NRCAM: variants seen among roughly 807,000 people sequenced by gnomAD.
The protein encoded by NRCAM is NgCAM-related cell adhesion molecule.
NRCAM carries 83 observed loss-of-function variants against 156.5 expected under a neutral mutation model. The observed-to-expected ratio is 0.53, with a 90% CI of 0.44 to 0.64. NRCAM has a LOEUF of 0.64. Ranked by LOEUF, NRCAM falls within the 30% of genes least tolerant of loss-of-function variation. NRCAM has a pLI of 0.00. For missense variants in NRCAM, 1,417 were observed against 1,597.3 expected (o/e 0.89, Z 1.92); for synonymous variants, 538 against 563.9 (o/e 0.95, Z 0.65).
chr7:108,254,502 T>C (rs756506346), intron 3 of NRCAM, among the ~76,000 whole-genome samples: 3 of 151,948 alleles, frequency 2.0e-5, no homozygotes, highest in South Asian at 2.1e-4. Context: ...TCCTCACATA[T>C]TGCTATGGAA....
chr7:108,415,712 C>T (rs763929408), intron 1 of NRCAM, among the ~76,000 whole-genome samples: 5 of 152,100 alleles, frequency 3.3e-5, no homozygotes, highest in Middle Eastern at 3.2e-3. Context: ...AAAACCCTGC[C>T]TCTACTAAAA....
intron 2 of NRCAM, among the ~76,000 whole-genome samples, chr7:108,352,055 G>A (rs961155823): frequency 6.6e-6 from 1 of 152,140 alleles, no homozygotes; most frequent in African/African-American, 2.4e-5. Flanking sequence ...TAATGCCTGA[G>A]TAGCACTAAC....
chr7:108,356,698 G>A (rs891695740), intron 2 of NRCAM, among the ~76,000 whole-genome samples: 3 of 152,284 alleles, frequency 2.0e-5, no homozygotes, highest in Admixed American at 2.0e-4. Context: ...TTTATAAAAA[G>A]CATACACAAT....
intron 2 of NRCAM, among the ~76,000 whole-genome samples, chr7:108,333,761 T>TA (rs371702101): frequency 7.2e-5 from 11 of 152,302 alleles, no homozygotes; most frequent in African/African-American, 2.6e-4. Flanking sequence ...CAACCCAAGT[T>TA]AAGAGTTCCT....
intron 1 of NRCAM, among the ~76,000 whole-genome samples, chr7:108,451,753 C>T (rs1233094059): frequency 6.6e-6 from 1 of 152,108 alleles, no homozygotes; most frequent in African/African-American, 2.4e-5. Context: ...TCATCAGATT[C>T]ATAGACTGGA....
chr7:108,176,375 G>C, intron 27 of NRCAM, 55 bp downstream of exon 27: 1 of 1,506,534 alleles, frequency 6.6e-7, no homozygotes, highest in Non-Finnish European at 9.2e-7. Flanking sequence ...TAAACTTAAA[G>C]ATTTTTATTT....
At chr7:108,326,352 G>T (rs1033756270) in intron 2 of NRCAM, among the ~76,000 whole-genome samples, 4 of 152,152 alleles carry the variant, frequency 2.6e-5, no homozygotes, top group African/African-American at 9.7e-5. Context: ...CCAAGTAAAA[G>T]AGTATTCTTA....
intron 13 of NRCAM, among the ~76,000 whole-genome samples, chr7:108,198,513 A>G (rs1209265447): frequency 6.6e-6 from 1 of 152,020 alleles, no homozygotes; most frequent in African/African-American, 2.4e-5. Context: ...CAGAAAAAAA[A>G]CTCTTACAAG....
At chr7:108,175,123 T>A (rs1225206081) in intron 28 of NRCAM, among the ~76,000 whole-genome samples, 199 bp downstream of exon 28, 1 of 152,086 alleles carries the variant, frequency 6.6e-6, no homozygotes, top group African/African-American at 2.4e-5. Context: ...CAAGAAAAAA[T>A]GTTTTGAGAA....
At chr7:108,194,585 A>G (rs562174997) in intron 15 of NRCAM, among the ~76,000 whole-genome samples, 157 bp from the exon 16 acceptor site, 1 of 152,340 alleles carries the variant, frequency 6.6e-6, no homozygotes, top group East Asian at 1.9e-4. Flanking sequence ...GAAAATAACC[A>G]GGGAAGAAAA....
intron 7 of NRCAM, 111 bp from the exon 8 acceptor site, chr7:108,231,264 G>GTAATTAAT (rs1317046759): frequency 8.7e-6 from 6 of 687,102 alleles, no homozygotes; most frequent in African/African-American, 7.6e-5. Context: ...TGTAATTTAT[G>GTAATTAAT]TACACTAAAT....
At chr7:108,156,421 A>G (rs994897309) in intron 32 of NRCAM, 1 of 984,196 alleles carries the variant, frequency 1.0e-6, no homozygotes, top group African/African-American at 1.7e-5. Context: ...ATTTTTCTAT[A>G]TGCTAGTAAG....
chr7:108,228,377 TA>T (rs1479806913), intron 8 of NRCAM, among the ~76,000 whole-genome samples: 1 of 152,014 alleles, frequency 6.6e-6, no homozygotes, highest in Non-Finnish European at 1.5e-5. Flanking sequence ...ACAAAGAGTT[TA>T]AGACAAAAAC....
intron 1 of NRCAM, among the ~76,000 whole-genome samples, chr7:108,429,171 T>C (rs1821480711): frequency 6.6e-6 from 1 of 152,160 alleles, no homozygotes; most frequent in Non-Finnish European, 1.5e-5. Flanking sequence ...CTCTTTAAAC[T>C]GGATTTTAAA....
intron 3 of NRCAM, among the ~76,000 whole-genome samples, chr7:108,289,079 G>C (rs1001897598): frequency 6.6e-6 from 1 of 152,096 alleles, no homozygotes; most frequent in Non-Finnish European, 1.5e-5. Context: ...GGATACAACT[G>C]TCTGTTTCAA....
chr7:108,299,125 A>T (rs1269850549), intron 3 of NRCAM, among the ~76,000 whole-genome samples: 26 of 108,340 alleles, frequency 2.4e-4, no homozygotes, highest in African/African-American at 9.5e-4. Flanking sequence ...AAAGAAAGAA[A>T]GAAAGAAAGA....
chr7:108,349,878 T>C (rs879346290), intron 2 of NRCAM, among the ~76,000 whole-genome samples: 1 of 152,208 alleles, frequency 6.6e-6, no homozygotes, highest in African/African-American at 2.4e-5. Flanking sequence ...AACCCTCTAA[T>C]AGCATCACAT....
intron 1 of NRCAM, among the ~76,000 whole-genome samples, chr7:108,411,235 A>T (rs1794962038): frequency 6.6e-6 from 1 of 152,132 alleles, no homozygotes; most frequent in Non-Finnish European, 1.5e-5. Flanking sequence ...AAGCACTAAC[A>T]TGAAAATTTC....
intron 1 of NRCAM, among the ~76,000 whole-genome samples, chr7:108,455,441 A>G (rs2154509542): frequency 6.6e-6 from 1 of 152,264 alleles, no homozygotes; most frequent in Non-Finnish European, 1.5e-5. Flanking sequence ...GGGCTGGGAA[A>G]GCAATCTTTC....
Sources: gnomAD v4.1 joint callset for allele counts (sites outside exome capture counted in the v4.1 genomes callset) on GRCh38, gnomAD v4.1.1 for gene constraint, MANE v1.5 for transcripts, NCBI Gene and HGNC (gene_info 2026-07-23, HGNC 2026-07-21) for gene names.